SLC20A2: variants seen among roughly 807,000 people sequenced by gnomAD.
The protein encoded by SLC20A2 is sodium-dependent phosphate transporter 2.
SLC20A2 carries 30 observed loss-of-function variants against 61.0 expected under a neutral mutation model. That is an observed-to-expected ratio of 0.49 (90% confidence interval 0.37 to 0.67). The LOEUF (loss-of-function observed/expected upper bound fraction) is 0.67. Ranked by LOEUF, SLC20A2 falls within the 30% of genes least tolerant of loss-of-function variation. SLC20A2 has a pLI of 0.00. For synonymous variants in SLC20A2, 351 were observed against 353.3 expected (o/e 0.99, Z 0.07); for missense variants, 626 against 866.4 (o/e 0.72, Z 3.48).
At chr8:42,520,698 C>T (rs1351163350) in intron 1 of SLC20A2, among the ~76,000 whole-genome samples, 2 of 115,102 alleles carry the variant, frequency 1.7e-5, no homozygotes, top group African/African-American at 5.2e-5. Flanking sequence ...TGCACTCCAG[C>T]CTGGGTGACA....
chr8:42,532,453 T>C (rs76244159), intron 1 of SLC20A2, among the ~76,000 whole-genome samples: 471 of 152,306 alleles, frequency 3.1e-3, no homozygotes, highest in African/African-American at 0.011. Flanking sequence ...TGGCAGCGTA[T>C]GACTGTTTTG....
Position 42,501,076 on chromosome 8 carries a change from T to C in SLC20A2, c.-310A>G, listed in dbSNP as rs1238571651. 2.0e-5 allele frequency: 3 copies of C among 152,182 alleles called. No individual in the cohort carries two copies. The highest frequency in any genetic ancestry group is 7.2e-5 in the African/African-American group (3 of 41,436). The allele number at this position is 152,182 out of a possible 1,614,324, so 9.4% of individuals were successfully genotyped here. On this transcript the variant is annotated 5_prime_UTR_variant, in exon 1 of 11. Transcript: ENST00000520262. ...GAGCCACAATTCTTCAGAAGACTGC[T>C]CTCCTGATCACAAACACAATCTGAA... is the stretch of plus-strand genomic sequence containing the variant.
chr8:42,424,623 C>T (rs1803273465), intron 10 of SLC20A2, among the ~76,000 whole-genome samples: 1 of 152,132 alleles, frequency 6.6e-6, no homozygotes, highest in Non-Finnish European at 1.5e-5. Context: ...CTTATATATG[C>T]CTTCTGGAAT....
intron 1 of SLC20A2, among the ~76,000 whole-genome samples, chr8:42,533,684 G>C (rs185501305): frequency 3.7e-3 from 148 of 39,944 alleles, no homozygotes; most frequent in African/African-American, 0.014. Context: ...TTTGAGACGG[G>C]AGTCTTACTC....
At chr8:42,535,776 TA>T (rs1408577267) in intron 1 of SLC20A2, among the ~76,000 whole-genome samples, 1 of 152,256 alleles carries the variant, frequency 6.6e-6, no homozygotes, top group Non-Finnish European at 1.5e-5. Context: ...GATGGTTTAA[TA>T]CTGATGTCCG....
chr8:42,463,332 G>A (rs763386869), intron 3 of SLC20A2: 6 of 323,706 alleles, frequency 1.9e-5, no homozygotes, highest in Non-Finnish European at 3.3e-5. Flanking sequence ...GCCAATGCAG[G>A]GTCAAGAAAC....
At chr8:42,454,953 C>A (rs146147689) in intron 5 of SLC20A2, among the ~76,000 whole-genome samples, 1 of 151,758 alleles carries the variant, frequency 6.6e-6, no homozygotes, top group Non-Finnish European at 1.5e-5. Flanking sequence ...TAGCTGGGCG[C>A]GGTGGCTCAC....
At chr8:42,454,244 C>T (rs1010097878) in intron 5 of SLC20A2, among the ~76,000 whole-genome samples, 2 of 152,128 alleles carry the variant, frequency 1.3e-5, no homozygotes, top group Admixed American at 6.5e-5. Flanking sequence ...CCTCATGATC[C>T]GCCCGTCTCG....
chr8:42,526,173 T>C (rs1253162388), intron 1 of SLC20A2, among the ~76,000 whole-genome samples: 1 of 152,136 alleles, frequency 6.6e-6, no homozygotes, highest in African/African-American at 2.4e-5. Flanking sequence ...TCAACACTGA[T>C]GAGTCATGTT....
chr8:42,420,034 A>G (rs1216256835), intron 10 of SLC20A2, among the ~76,000 whole-genome samples: 1 of 152,074 alleles, frequency 6.6e-6, no homozygotes, highest in Non-Finnish European at 1.5e-5. Context: ...AAAATACAAA[A>G]AATTAGCTAG....
rs554888979 is a variant in SLC20A2 at position 42,417,727 on chromosome 8, C to T, written c.*76G>A. ...CGTGCACGGCCAGGATGTGTATGTG[C>T]GGCACGAGCACACATGTCTCCCACA... is the stretch of plus-strand genomic sequence containing the variant. On this transcript the variant is annotated 3_prime_UTR_variant, in exon 11 of 11. Coordinates refer to ENST00000520262, the MANE Select transcript of SLC20A2 (RefSeq NM_001257180.2). The T allele has an allele frequency of 9.1e-5, 136 of 1,499,580 alleles. No homozygotes were observed. Among genetic ancestry groups the T allele is most frequent in the Non-Finnish European group, 1.1e-4 (115 of 1,085,492 alleles). The allele number at this position is 1,499,580 out of a possible 1,614,324, so 92.9% of individuals were successfully genotyped here.
At chr8:42,450,191 A>G (rs1274787792) in intron 5 of SLC20A2, among the ~76,000 whole-genome samples, 1 of 151,218 alleles carries the variant, frequency 6.6e-6, no homozygotes, top group East Asian at 1.9e-4. Flanking sequence ...ATATATATAT[A>G]TATTTTTTGC....
chr8:42,423,991 C>G (rs1295191450), intron 10 of SLC20A2, among the ~76,000 whole-genome samples: 3 of 152,198 alleles, frequency 2.0e-5, no homozygotes, highest in Non-Finnish European at 2.9e-5. Flanking sequence ...TCCCTGTATG[C>G]TGTTCCAAAT....
chr8:42,430,599 G>A (rs1245229767), intron 8 of SLC20A2, among the ~76,000 whole-genome samples: 1 of 152,140 alleles, frequency 6.6e-6, no homozygotes, highest in Admixed American at 6.5e-5. Context: ...CTGACCTTGT[G>A]ATCTGCCCAC....
At chr8:42,461,982 C>T (rs188781325) in intron 4 of SLC20A2, among the ~76,000 whole-genome samples, 178 of 152,326 alleles carry the variant, frequency 1.2e-3, no homozygotes, top group Admixed American at 6.1e-3. Context: ...GAACAGGCAA[C>T]TAAGCAAGAA....
Position 42,509,753 on chromosome 8 carries a change from C to CAACAA in SLC20A2, c.-265+32063_-265+32067dup, listed in dbSNP as rs959893370. Among the ~76,000 whole-genome samples, 72 of 151,774 alleles carry CAACAA rather than the reference C, an allele frequency of 4.7e-4. 1 individual carries two copies. The highest frequency in any genetic ancestry group is 2.1e-4 in the South Asian group (1 of 4,802). On this transcript the variant is annotated intron_variant, in intron 1 of 10. Transcript: ENST00000342228. ...CGGGCAACAGAGCGAGAACTTGTCT[C>CAACAA]AACAAAACAAAACAAAACAAAACAA...
intron 1 of SLC20A2, among the ~76,000 whole-genome samples, chr8:42,499,181 C>T (rs1046326210): frequency 1.3e-5 from 2 of 152,104 alleles, no homozygotes; most frequent in Non-Finnish European, 2.9e-5. Context: ...CTCCTGGACT[C>T]CTCCTGCGGC....
Position 42,437,381 on chromosome 8 carries a change from G to C in SLC20A2, c.1131C>G (p.Tyr377Ter). 6.2e-7 allele frequency: 1 copy of C among 1,614,194 alleles called. No homozygotes were observed. Among genetic ancestry groups the C allele is most frequent in the Non-Finnish European group, 8.5e-7 (1 of 1,180,034 alleles). The change falls in exon 8 of 11, where the codon TAC (tyrosine) becomes TAG (stop). Residue 377 changes from tyrosine to a stop codon, truncating the protein, a stop_gained. Transcript: ENST00000520262. LOFTEE classifies it high-confidence loss of function. This position sits in a 1 kb window ranked among gnomAD's most constrained non-coding sequence, Gnocchi z 6.4. ...AACTGTTGTTTCGGCGCAGCAGCCG[G>C]TAGTTGCTTTCCTGGGCTGGCTTCT... is the stretch of plus-strand genomic sequence containing the variant. ...PEEKPAQESN[Y>*]RLLRRNNSYT...
chr8:42,506,085 T>C (rs1405057925), upstream of SLC20A2, among the ~76,000 whole-genome samples: 1 of 152,032 alleles, frequency 6.6e-6, no homozygotes, highest in Non-Finnish European at 1.5e-5. Flanking sequence ...GGATTATAGG[T>C]GTGTGCCACC....
Sources: allele counts gnomAD v4.1 joint callset (sites outside exome capture counted in the v4.1 genomes callset), GRCh38; gene constraint gnomAD v4.1.1; non-coding constraint Gnocchi (gnomAD v3.1); transcripts MANE v1.5; gene names NCBI Gene and HGNC (gene_info 2026-07-23, HGNC 2026-07-21).